EDA2R: variants seen among roughly 807,000 people sequenced by gnomAD.
EDA2R encodes tumor necrosis factor receptor superfamily member 27.
Under a neutral mutation model 20.1 loss-of-function variants are expected in EDA2R, and 26 were observed. The observed-to-expected ratio is 1.30, with a 90% CI of 0.95 to 1.80. EDA2R has a LOEUF of 1.80. Among genes scored for constraint, EDA2R ranks in the 40% most tolerant of loss-of-function variants. The pLI is 0.00. For missense variants in EDA2R, 277 were observed against 228.7 expected (o/e 1.21, Z -1.36); for synonymous variants, 114 against 88.7 (o/e 1.29, Z -1.60).
Position 66,595,887 on chromosome X carries a change from G to A in EDA2R, c.*2217C>T, listed in dbSNP as rs988282372. On this transcript the variant is annotated 3_prime_UTR_variant, in exon 7 of 7. Coordinates refer to ENST00000374719, the MANE Select transcript of EDA2R (RefSeq NM_021783.5). Reference sequence around the variant, plus strand: ...GGGATTATGATCTCAATGTGACAGGGCTGTATGTTGTAGAGGGGTATGCTG... The same window carrying A: ...GGGATTATGATCTCAATGTGACAGGACTGTATGTTGTAGAGGGGTATGCTG... 4 of 110,584 alleles carry A rather than the reference G, an allele frequency of 3.6e-5. No homozygotes were observed. Among genetic ancestry groups the A allele is most frequent in the African/African-American group, 9.9e-5 (3 of 30,368 alleles). The allele number at this position is 110,584 out of a possible 1,213,427, so 9.1% of individuals were successfully genotyped here. A position where few individuals can be genotyped will look rare whatever the true frequency, so the allele number is the denominator to read the frequency against.
At chrX:66,607,210 C>A (rs1407003146) in intron 2 of EDA2R, among the ~76,000 whole-genome samples, 2 of 112,144 alleles carry the variant, frequency 1.8e-5, no homozygotes, top group African/African-American at 6.5e-5. Flanking sequence ...AGTTCCCCAG[C>A]ACAGAGCCAA....
Position 66,596,604 on chromosome X carries a change from G to T in EDA2R, c.*1500C>A, listed in dbSNP as rs1211990852. ...GTGTCAAATGTGGGCTTGAACCACT[G>T]CCAGCCACATGGCAACCTTTGAACA... On this transcript the variant is annotated 3_prime_UTR_variant, in exon 7 of 7. Transcript: ENST00000374719. 9.0e-6 allele frequency: 1 copy of T among 111,015 alleles called. No homozygotes were observed. The highest frequency in any genetic ancestry group is 2.8e-4 in the East Asian group (1 of 3,537). 9.1% of individuals were successfully genotyped at this position (111,015 alleles called of 1,213,427 possible). A position where few individuals can be genotyped will look rare whatever the true frequency, so the allele number is the denominator to read the frequency against.
At chrX:66,609,228 C>T (rs1319090026) in intron 2 of EDA2R, among the ~76,000 whole-genome samples, 1 of 111,982 alleles carries the variant, frequency 8.9e-6, no homozygotes, top group Non-Finnish European at 1.9e-5. Flanking sequence ...CCCTTAACCT[C>T]TTATGTCACC....
intron 1 of EDA2R, among the ~76,000 whole-genome samples, chrX:66,629,904 C>G (rs772115978): frequency 9.0e-6 from 1 of 111,107 alleles, no homozygotes; most frequent in Non-Finnish European, 1.9e-5. Context: ...GCAAAAAGAA[C>G]AAATCTGGAG....
intron 1 of EDA2R, among the ~76,000 whole-genome samples, chrX:66,619,818 T>C (rs377371636): frequency 8.9e-6 from 1 of 111,956 alleles, no homozygotes; most frequent in East Asian, 2.8e-4. Context: ...TAAAAATTCA[T>C]GTGGGTAACA....
chrX:66,605,678 T>G (rs1016634991), intron 2 of EDA2R, among the ~76,000 whole-genome samples: 2 of 111,662 alleles, frequency 1.8e-5, no homozygotes, highest in East Asian at 5.6e-4. Context: ...GCTCTTAAAG[T>G]TTTCCCCAAG....
chrX:66,598,609 G>T (rs1305957391), intron 6 of EDA2R, among the ~76,000 whole-genome samples: 2 of 112,089 alleles, frequency 1.8e-5, no homozygotes, highest in Non-Finnish European at 3.8e-5. Flanking sequence ...CTTGGAAGAA[G>T]AACTGGACTA....
At chrX:66,631,858 A>C (rs946774792) in intron 1 of EDA2R, among the ~76,000 whole-genome samples, 3 of 112,181 alleles carry the variant, frequency 2.7e-5, no homozygotes, top group African/African-American at 9.7e-5. Context: ...ACTGTTTTTC[A>C]ATTATTTTCA....
chrX:66,599,478 T>A lies in EDA2R; in HGVS notation c.*6A>T, dbSNP rs1003096315. 23 of 1,142,089 alleles carry A rather than the reference T, an allele frequency of 2.0e-5. No homozygotes were observed. The highest frequency in any genetic ancestry group is 2.7e-5 in the Non-Finnish European group (23 of 859,449). The allele number at this position is 1,142,089 out of a possible 1,213,427, so 94.1% of individuals were successfully genotyped here. A position where few individuals can be genotyped will look rare whatever the true frequency, so the allele number is the denominator to read the frequency against. On this transcript the variant is annotated 3_prime_UTR_variant, in exon 6 of 7. Transcript: ENST00000374719. ...TGATCCACCTTTCCAGCTCACCTCA[T>A]TAGAGTTAAGGGCTGGGAACTTCAA...
At chrX:66,624,725 C>T (rs768066587) in intron 1 of EDA2R, among the ~76,000 whole-genome samples, 1 of 110,862 alleles carries the variant, frequency 9.0e-6, no homozygotes, top group Non-Finnish European at 1.9e-5. Flanking sequence ...AGCTCCAGGA[C>T]GACTGCAAGA....
At chrX:66,605,859 A>T (rs1969698108) in intron 2 of EDA2R, among the ~76,000 whole-genome samples, 1 of 112,506 alleles carries the variant, frequency 8.9e-6, no homozygotes, top group Non-Finnish European at 1.9e-5. Flanking sequence ...GTTTTATAAA[A>T]GTTTTACAGA....
At chrX:66,624,166 G>A (rs947003859) in intron 1 of EDA2R, among the ~76,000 whole-genome samples, 4 of 111,959 alleles carry the variant, frequency 3.6e-5, no homozygotes, top group African/African-American at 6.5e-5. Flanking sequence ...ATTTTACATC[G>A]ATTAGCTCAA....
Position 66,595,722 on chromosome X carries a change from T to A in EDA2R, c.*2382A>T, listed in dbSNP as rs978237041. On this transcript the variant is annotated 3_prime_UTR_variant, in exon 7 of 7. Transcript: ENST00000374719. ...ACATAGCCCTGCCAGTATCTACACA[T>A]GCATATGGCTCAAGAGTTAACAAAA... 1.8e-5 allele frequency: 2 copies of A among 112,108 alleles called. No homozygotes were observed. Among genetic ancestry groups the A allele is most frequent in the Admixed American group, 9.5e-5 (1 of 10,531 alleles). 9.2% of individuals were successfully genotyped at this position (112,108 alleles called of 1,213,427 possible).
chrX:66,609,560 G>T (rs1930338780), intron 2 of EDA2R, among the ~76,000 whole-genome samples: 1 of 111,882 alleles, frequency 8.9e-6, no homozygotes, highest in East Asian at 2.8e-4. Context: ...AAAACAGTGA[G>T]CTGGGGGTCA....
Position 66,598,093 on chromosome X carries a change from C to T in EDA2R, c.*11G>A. 1.1e-6 allele frequency: 1 copy of T among 935,357 alleles called. No homozygotes were observed. Among genetic ancestry groups the T allele is most frequent in the Non-Finnish European group, 1.4e-6 (1 of 727,667 alleles). 77.1% of individuals were successfully genotyped at this position (935,357 alleles called of 1,213,427 possible). On this transcript the variant is annotated splice_region_variant and 3_prime_UTR_variant, in exon 7 of 7. Coordinates refer to ENST00000374719, the MANE Select transcript of EDA2R (RefSeq NM_021783.5). Reference sequence around the variant, plus strand: ...GCAAGGCTGCCAGGGGCCCAAGAGACCTAAGGAGAGAGCAAACCAAGTTAG... The same window carrying T: ...GCAAGGCTGCCAGGGGCCCAAGAGATCTAAGGAGAGAGCAAACCAAGTTAG...
At chrX:66,614,474 G>A (rs757635416) in intron 2 of EDA2R, among the ~76,000 whole-genome samples, 17 of 112,157 alleles carry the variant, frequency 1.5e-4, no homozygotes, top group African/African-American at 5.5e-4. Context: ...TGGGACTCAT[G>A]CCCATGTGTA....
chrX:66,610,909 C>A lies in EDA2R; in HGVS notation c.87+5025G>T, dbSNP rs139078143. On this transcript the variant is annotated intron_variant, in intron 2 of 6. Transcript: ENST00000374719. ...CCATAAGTAACCAGCTCAAATGCTT[C>A]TTTGTCCTGTGGGTCTGAGATTATT... 3.2e-3 allele frequency among the ~76,000 whole-genome samples: 360 copies of A among 111,514 alleles called. 3 individuals carry two copies. The highest frequency in any genetic ancestry group is 0.011 in the African/African-American group (338 of 30,665).
chrX:66,632,866 C>G (rs1049403511), intron 1 of EDA2R, among the ~76,000 whole-genome samples: 3 of 111,998 alleles, frequency 2.7e-5, no homozygotes, highest in African/African-American at 9.7e-5. Context: ...CTACTTTCAA[C>G]ATTTCCAAAG....
chrX:66,611,119 C>T (rs976564560), intron 2 of EDA2R, among the ~76,000 whole-genome samples: 8 of 111,619 alleles, frequency 7.2e-5, no homozygotes, highest in Admixed American at 1.9e-4. Context: ...AGATAAACCC[C>T]GCAGACCAAA....
Sources: allele counts gnomAD v4.1 joint callset (sites outside exome capture counted in the v4.1 genomes callset), GRCh38; gene constraint gnomAD v4.1.1; transcripts MANE v1.5; gene names NCBI Gene and HGNC (gene_info 2026-07-23, HGNC 2026-07-21).